Variants in DCLK1 observed in about 807,000 individuals in gnomAD.
DCLK1 encodes serine/threonine-protein kinase DCLK1.
A neutral mutation model predicts 86.2 loss-of-function variants in DCLK1; 16 were observed. That is an observed-to-expected ratio of 0.19 (90% CI 0.13 to 0.28). The LOEUF (loss-of-function observed/expected upper bound fraction) is 0.28, where lower values mean the gene tolerates loss of function less well. Ranked by LOEUF, DCLK1 falls within the 10% of genes least tolerant of loss-of-function variation. The pLI is 1.00. For synonymous variants in DCLK1, 369 were observed against 370.5 expected, an observed-to-expected ratio of 1.00 and a Z score of 0.05; for missense variants, 590 against 940.2, an observed-to-expected ratio of 0.63 and a Z score of 4.87.
intron 3 of DCLK1, among the ~76,000 whole-genome samples, chr13:35,998,814 G>C (rs1880586939): frequency 1.3e-5 from 2 of 152,168 alleles, no homozygotes; most frequent in Admixed American, 1.3e-4. Flanking sequence ...TTCAGTTAAA[G>C]CTGCAATTAT....
intron 3 of DCLK1, among the ~76,000 whole-genome samples, chr13:36,004,971 C>T (rs1485553946): frequency 6.6e-6 from 1 of 152,092 alleles, no homozygotes; most frequent in African/African-American, 2.4e-5. Flanking sequence ...AACAATCTGG[C>T]TAAGTATTAA....
intron 4 of DCLK1, among the ~76,000 whole-genome samples, chr13:35,878,693 C>T (rs1014055164): frequency 6.6e-6 from 1 of 151,934 alleles, no homozygotes; most frequent in Non-Finnish European, 1.5e-5. Context: ...GATGGATACC[C>T]CATTTACCCT....
In DCLK1 at chr13:35,781,980, G is replaced by A. The variant is rs964943474; in HGVS notation, c.2059-7281C>T. On this transcript the variant is annotated intron_variant, in intron 16 of 16. Coordinates refer to ENST00000360631, the MANE Select transcript of DCLK1 (RefSeq NM_001330071.2). ...TGTTTTGCTTTCATATCCTTTTGAG[G>A]TCTTGCCAGAAATGACACAGTATCT... Among the ~76,000 whole-genome samples the A allele has an allele frequency of 1.6e-4, 24 of 152,064 alleles. 1 individual carries two copies. Among genetic ancestry groups the A allele is most frequent in the African/African-American group, 5.6e-4 (23 of 41,398 alleles).
chr13:35,938,232 C>G (rs1441720625), intron 4 of DCLK1, among the ~76,000 whole-genome samples: 1 of 152,078 alleles, frequency 6.6e-6, no homozygotes, highest in Non-Finnish European at 1.5e-5. Flanking sequence ...GGAAGCTCCC[C>G]TTAGAATGAG....
chr13:35,985,236 A>T (rs1295345502), intron 3 of DCLK1, among the ~76,000 whole-genome samples: 1 of 152,182 alleles, frequency 6.6e-6, no homozygotes, highest in Non-Finnish European at 1.5e-5. Flanking sequence ...TGGAAAGCCA[A>T]TAAGCCCATT....
intron 3 of DCLK1, among the ~76,000 whole-genome samples, chr13:35,971,518 T>C (rs1335940874): frequency 1.3e-5 from 2 of 152,132 alleles, no homozygotes; most frequent in African/African-American, 4.8e-5. Flanking sequence ...ATCCCAGCAC[T>C]TTGGGAGGCT....
At chr13:35,833,999 T>C (rs1218919397) in intron 8 of DCLK1, among the ~76,000 whole-genome samples, 1 of 152,174 alleles carries the variant, frequency 6.6e-6, no homozygotes, top group Non-Finnish European at 1.5e-5. Flanking sequence ...GGGAAATTTC[T>C]ATTGTGAGAA....
intron 15 of DCLK1, among the ~76,000 whole-genome samples, chr13:35,793,926 G>T (rs1449085253): frequency 6.6e-6 from 1 of 152,100 alleles, no homozygotes; most frequent in African/African-American, 2.4e-5. Flanking sequence ...GCTTCTGCAT[G>T]GCCCATAAAT....
chr13:36,016,395 G>T (rs76803409), intron 3 of DCLK1, among the ~76,000 whole-genome samples: 1 of 152,108 alleles, frequency 6.6e-6, no homozygotes, highest in East Asian at 1.9e-4. Context: ...TAGTCAAGGG[G>T]TCACCATTAA....
At chr13:36,022,476 T>C (rs1369456106) in intron 3 of DCLK1, among the ~76,000 whole-genome samples, 2 of 151,992 alleles carry the variant, frequency 1.3e-5, no homozygotes, top group African/African-American at 4.8e-5. Context: ...AGCAAATTCA[T>C]TCTTTAAAAA....
At chr13:35,960,611 C>CT (rs1390389265) in intron 3 of DCLK1, among the ~76,000 whole-genome samples, 1 of 152,138 alleles carries the variant, frequency 6.6e-6, no homozygotes, top group East Asian at 1.9e-4. Context: ...GCATTCACCA[C>CT]TACAGCTGGC....
rs554678396 is a variant in DCLK1 at position 35,773,171 on chromosome 13, G to A, written c.*1364C>T. On this transcript the variant is annotated 3_prime_UTR_variant, in exon 17 of 17. Transcript: ENST00000360631. ...TCTGTTCCAGAAGAAACTCAGGCCT[G>A]GAGACACTGCACTAGGGAGATAGAT... 2.4e-4 allele frequency: 37 copies of A among 152,594 alleles called. No homozygotes were observed. Among genetic ancestry groups the A allele is most frequent in the Admixed American group, 1.8e-3 (28 of 15,272 alleles). 9.5% of individuals were successfully genotyped at this position (152,594 alleles called of 1,614,324 possible).
intron 3 of DCLK1, among the ~76,000 whole-genome samples, chr13:36,023,019 G>T (rs1881850291): frequency 6.6e-6 from 1 of 152,124 alleles, no homozygotes; most frequent in African/African-American, 2.4e-5. Context: ...AGAAAACTGA[G>T]TTGAGCAGCA....
intron 4 of DCLK1, among the ~76,000 whole-genome samples, chr13:35,876,601 C>T (rs1872604871): frequency 6.6e-6 from 1 of 152,178 alleles, no homozygotes; most frequent in African/African-American, 2.4e-5. Flanking sequence ...AAATCTACAT[C>T]AGCTGATAAC....
At chr13:35,924,796 T>C (rs1876019654) in intron 4 of DCLK1, among the ~76,000 whole-genome samples, 1 of 152,258 alleles carries the variant, frequency 6.6e-6, no homozygotes, top group South Asian at 2.1e-4. Context: ...TCAGTGGCTC[T>C]GACCAAAGTT....
intron 15 of DCLK1, 63 bp from the exon 16 acceptor site, chr13:35,793,542 G>T: frequency 3.0e-6 from 4 of 1,324,802 alleles, no homozygotes; most frequent in African/African-American, 1.5e-5. Flanking sequence ...AAAAATGAAG[G>T]CTAAATCTTC....
At chr13:35,775,837 A>C (rs1048211885) in intron 16 of DCLK1, among the ~76,000 whole-genome samples, 2 of 152,262 alleles carry the variant, frequency 1.3e-5, no homozygotes, top group Non-Finnish European at 2.9e-5. Flanking sequence ...AGTGAAAACT[A>C]AGCCCCTCAT....
At chr13:35,959,443 C>T (rs1252122253) in intron 3 of DCLK1, among the ~76,000 whole-genome samples, 1 of 152,118 alleles carries the variant, frequency 6.6e-6, no homozygotes. Flanking sequence ...TGACCTGGAA[C>T]ACCCCCCCAC....
intron 3 of DCLK1, among the ~76,000 whole-genome samples, chr13:36,072,563 T>G (rs1884017322): frequency 6.6e-6 from 1 of 152,248 alleles, no homozygotes; most frequent in Admixed American, 6.5e-5. Flanking sequence ...ATGCAGTAAC[T>G]TCTCTGGTAC....
Sources: gnomAD v4.1 joint callset for allele counts (sites outside exome capture counted in the v4.1 genomes callset) on GRCh38, gnomAD v4.1.1 for gene constraint, MANE v1.5 for transcripts, NCBI Gene and HGNC (gene_info 2026-07-23, HGNC 2026-07-21) for gene names.